SLC9A9: variants seen among roughly 807,000 people sequenced by gnomAD.
SLC9A9 encodes the protein solute carrier family 9 member A9, also known as sodium/hydrogen exchanger 9.
In SLC9A9, 62 loss-of-function variants were observed where a neutral mutation model predicts 77.8. The ratio of observed to expected loss-of-function variants is 0.80; its 90% CI spans 0.65 to 0.98. The LOEUF (loss-of-function observed/expected upper bound fraction) is 0.98, where lower values mean the gene tolerates loss of function less well. Ranked by LOEUF, SLC9A9 falls within the 50% of genes least tolerant of loss-of-function variation. The pLI is 0.00. For missense variants in SLC9A9, 775 were observed against 774.9 expected (o/e 1.00, Z 0.00); for synonymous variants, 320 against 283.5 (o/e 1.13, Z -1.29).
chr3:143,585,723 G>A (rs1576592789), intron 6 of SLC9A9, among the ~76,000 whole-genome samples: 1 of 152,290 alleles, frequency 6.6e-6, no homozygotes, highest in South Asian at 2.1e-4. Context: ...TAGAACACTG[G>A]GCTGGGTGGG....
chr3:143,478,739 G>T (rs1344682456), intron 11 of SLC9A9, among the ~76,000 whole-genome samples: 1 of 152,194 alleles, frequency 6.6e-6, no homozygotes, highest in Non-Finnish European at 1.5e-5. Context: ...GAATTAGAGG[G>T]ATTTGTGCCT....
intron 14 of SLC9A9, among the ~76,000 whole-genome samples, chr3:143,279,405 T>TG (rs1173552782): frequency 6.6e-6 from 1 of 152,210 alleles, no homozygotes; most frequent in Non-Finnish European, 1.5e-5. Flanking sequence ...GTCTTCATGT[T>TG]GGGCATCAGA....
At chr3:143,447,380 T>C (rs997646592) in intron 12 of SLC9A9, among the ~76,000 whole-genome samples, 2 of 152,208 alleles carry the variant, frequency 1.3e-5, no homozygotes, top group African/African-American at 2.4e-5. Flanking sequence ...ATATCATTAA[T>C]TTTACAAAAT....
intron 4 of SLC9A9, among the ~76,000 whole-genome samples, chr3:143,753,408 A>T (rs190686038): frequency 4.6e-5 from 7 of 152,332 alleles, no homozygotes; most frequent in Admixed American, 2.0e-4. Flanking sequence ...TTTGCAAGGC[A>T]TACAGAGCTC....
At chr3:143,474,072 G>T (rs915210068) in intron 11 of SLC9A9, among the ~76,000 whole-genome samples, 5 of 152,160 alleles carry the variant, frequency 3.3e-5, no homozygotes, top group Admixed American at 6.5e-5. Context: ...TTTGAGCAGA[G>T]AACCTAATAG....
chr3:143,526,843 G>T (rs1393468788), intron 9 of SLC9A9, among the ~76,000 whole-genome samples: 1 of 152,200 alleles, frequency 6.6e-6, no homozygotes, highest in East Asian at 1.9e-4. Context: ...AGCATAAAAG[G>T]AAGTCTTAGG....
intron 6 of SLC9A9, among the ~76,000 whole-genome samples, chr3:143,601,315 C>A (rs895193174): frequency 1.3e-5 from 2 of 152,112 alleles, no homozygotes; most frequent in Admixed American, 1.3e-4. Context: ...TCATTTGTAA[C>A]CCTCCCCACC....
chr3:143,794,500 A>G (rs530799315), intron 4 of SLC9A9, among the ~76,000 whole-genome samples: 5 of 152,334 alleles, frequency 3.3e-5, no homozygotes, highest in African/African-American at 1.2e-4. Flanking sequence ...AAGAGTCTGC[A>G]TTCTACAGGG....
chr3:143,727,913 C>A (rs761854822), intron 4 of SLC9A9, among the ~76,000 whole-genome samples: 4 of 152,148 alleles, frequency 2.6e-5, no homozygotes, highest in Non-Finnish European at 4.4e-5. Context: ...TATTTTGTGC[C>A]AGACGCTATA....
At chr3:143,746,941 TTTAA>T (rs1935209650) in intron 4 of SLC9A9, among the ~76,000 whole-genome samples, 2 of 151,940 alleles carry the variant, frequency 1.3e-5, no homozygotes, top group African/African-American at 2.4e-5. Context: ...AGGTAATGAG[TTTAA>T]TTGTTTTTTC....
At chr3:143,591,904 G>A (rs1347430819) in intron 6 of SLC9A9, among the ~76,000 whole-genome samples, 1 of 152,238 alleles carries the variant, frequency 6.6e-6, no homozygotes, top group African/African-American at 2.4e-5. Flanking sequence ...GACACTTCAA[G>A]TTAGAAGCAG....
chr3:143,402,977 T>C (rs555274030), intron 12 of SLC9A9, among the ~76,000 whole-genome samples: 1 of 152,090 alleles, frequency 6.6e-6, no homozygotes, highest in East Asian at 1.9e-4. Flanking sequence ...CTTCTTAGAC[T>C]CTGCTTTGGA....
intron 9 of SLC9A9, among the ~76,000 whole-genome samples, chr3:143,530,972 C>T (rs918733771): frequency 3.3e-5 from 5 of 152,148 alleles, no homozygotes; most frequent in Admixed American, 6.5e-5. Context: ...ATTATGAGTC[C>T]TAATTCCAGC....
chr3:143,315,252 C>T (rs973308054), intron 14 of SLC9A9, among the ~76,000 whole-genome samples: 1 of 152,184 alleles, frequency 6.6e-6, no homozygotes, highest in Non-Finnish European at 1.5e-5. Flanking sequence ...ATGGAAGTCA[C>T]ATTTTATTCC....
At chr3:143,621,940 A>G (rs936922040) in intron 6 of SLC9A9, among the ~76,000 whole-genome samples, 4 of 152,224 alleles carry the variant, frequency 2.6e-5, no homozygotes, top group Non-Finnish European at 5.9e-5. Context: ...GGAGCTGAAA[A>G]CCAAGGCACG....
intron 4 of SLC9A9, among the ~76,000 whole-genome samples, chr3:143,756,289 T>C (rs909284063): frequency 2.0e-5 from 3 of 152,220 alleles, no homozygotes; most frequent in Non-Finnish European, 4.4e-5. Flanking sequence ...ACAGTGGTAG[T>C]AACTAGGCTT....
intron 2 of SLC9A9, among the ~76,000 whole-genome samples, chr3:143,807,769 G>A (rs2008761876): frequency 6.6e-6 from 1 of 151,528 alleles, no homozygotes; most frequent in Admixed American, 6.6e-5. Context: ...GAAAAGAAAA[G>A]GCAACAGCTG....
chr3:143,321,964 A>G (rs1056617030), intron 14 of SLC9A9, among the ~76,000 whole-genome samples: 1 of 152,200 alleles, frequency 6.6e-6, no homozygotes, highest in Non-Finnish European at 1.5e-5. Flanking sequence ...GTTCTACCCT[A>G]ACTGGATCAT....
rs187673081 is a variant in SLC9A9, at chr3:143,845,328, T to C, written c.175+2820A>G. On this transcript the variant is annotated intron_variant, in intron 1 of 15. Transcript: ENST00000316549. The stretch of plus-strand genomic sequence containing the variant: ...GACAATTAATTCACTTGGCATCTCC[T>C]TTCCCCTATCATTAAAAAGTGTTTA... Among the ~76,000 whole-genome samples, 262 of 152,326 alleles carry C rather than the reference T, an allele frequency of 1.7e-3. 3 individuals carry two copies. Among genetic ancestry groups the C allele is most frequent in the Non-Finnish European group, 5.0e-4 (34 of 68,014 alleles).
Sources: gnomAD v4.1 joint callset for allele counts (sites outside exome capture counted in the v4.1 genomes callset) on GRCh38, gnomAD v4.1.1 for gene constraint, MANE v1.5 for transcripts, NCBI Gene and HGNC (gene_info 2026-07-23, HGNC 2026-07-21) for gene names.